The following SORCS1 variants were observed in gnomAD, a reference collection of about 807,000 sequenced individuals.
SORCS1 encodes the protein sortilin related VPS10 domain containing receptor 1.
A neutral mutation model predicts 146.1 loss-of-function variants in SORCS1; 60 were observed. The observed-to-expected ratio is 0.41, with a 90% CI of 0.33 to 0.51. SORCS1 has a LOEUF of 0.51. Ranked by LOEUF, SORCS1 falls within the 20% of genes least tolerant of loss-of-function variation. The pLI is 0.21. For missense variants in SORCS1, 1,352 were observed against 1,487.6 expected, an observed-to-expected ratio of 0.91 and a Z score of 1.50; for synonymous variants, 637 against 584.0, an observed-to-expected ratio of 1.09 and a Z score of -1.31.
At chr10:107,138,421 A>G (rs1967523289) in intron 1 of SORCS1, among the ~76,000 whole-genome samples, 1 of 152,116 alleles carries the variant, frequency 6.6e-6, no homozygotes, top group Non-Finnish European at 1.5e-5. Context: ...CATCCTTTTC[A>G]TACACAGTTT....
chr10:106,859,326 A>G (rs1949920132), intron 2 of SORCS1, among the ~76,000 whole-genome samples: 1 of 152,206 alleles, frequency 6.6e-6, no homozygotes. Flanking sequence ...GGGATAGACA[A>G]TAATTTATCC....
intron 1 of SORCS1, among the ~76,000 whole-genome samples, chr10:107,080,736 T>C (rs1183836697): frequency 6.6e-6 from 1 of 152,202 alleles, no homozygotes; most frequent in Non-Finnish European, 1.5e-5. Context: ...TCTGCTCTTT[T>C]TCATCCTTAA....
intron 2 of SORCS1, among the ~76,000 whole-genome samples, chr10:106,956,086 G>A (rs190934089): frequency 3.6e-4 from 54 of 151,162 alleles, no homozygotes; most frequent in African/African-American, 1.2e-3. Context: ...GCCGAGATGC[G>A]CCATTGCACT....
intron 1 of SORCS1, among the ~76,000 whole-genome samples, chr10:107,085,352 T>A (rs1045395051): frequency 6.6e-6 from 1 of 152,194 alleles, no homozygotes; most frequent in African/African-American, 2.4e-5. Flanking sequence ...TGACTTAACA[T>A]GGCTCTCCTC....
chr10:107,133,334 G>A (rs892234853), intron 1 of SORCS1, among the ~76,000 whole-genome samples: 1 of 152,044 alleles, frequency 6.6e-6, no homozygotes, highest in Non-Finnish European at 1.5e-5. Context: ...TCTTTTGATT[G>A]ATATTATAGG....
intron 23 of SORCS1, among the ~76,000 whole-genome samples, chr10:106,601,266 T>G (rs1031325075): frequency 2.6e-5 from 4 of 152,238 alleles, no homozygotes; most frequent in African/African-American, 9.6e-5. Context: ...TCTTTTTCTG[T>G]CTGGTGAAAA....
intron 23 of SORCS1, among the ~76,000 whole-genome samples, chr10:106,606,909 G>A (rs1846637088): frequency 6.6e-6 from 1 of 152,188 alleles, no homozygotes; most frequent in African/African-American, 2.4e-5. Context: ...CGCCATGATT[G>A]TAAGTTTCCT....
chr10:106,597,478 C>A (rs562811034), intron 23 of SORCS1, 28 bp from the exon 24 acceptor site: 15 of 1,541,922 alleles, frequency 9.7e-6, no homozygotes, highest in Non-Finnish European at 1.3e-5. Context: ...GTTAGTGACA[C>A]CAAAAGTGTC....
At position 106,825,113 on chromosome 10, in the gene SORCS1, A is replaced by T. The variant is rs72825300; in HGVS notation, c.726+4461T>A. On this transcript the variant is annotated intron_variant, in intron 3 of 25. Transcript: ENST00000263054. ...GTTTTATATTCTTTAATCCTTGAAG[A>T]TGTTACACGATCCTTGTGAAGGGAG... 9.7e-3 allele frequency among the ~76,000 whole-genome samples: 1,479 copies of T among 152,196 alleles called. 10 individuals are homozygous for T. The highest frequency in any genetic ancestry group is 0.015 in the Non-Finnish European group (1,038 of 68,010).
At chr10:107,027,881 C>G (rs1262932322) in intron 1 of SORCS1, among the ~76,000 whole-genome samples, 1 of 152,194 alleles carries the variant, frequency 6.6e-6, no homozygotes, top group Non-Finnish European at 1.5e-5. Context: ...TGTCAGCCCC[C>G]AGGAGAATGT....
At chr10:106,616,571 A>G (rs1444076400) in intron 21 of SORCS1, among the ~76,000 whole-genome samples, 1 of 152,212 alleles carries the variant, frequency 6.6e-6, no homozygotes, top group African/African-American at 2.4e-5. Context: ...GCCGCACTCT[A>G]TACACAGCCA....
intron 1 of SORCS1, among the ~76,000 whole-genome samples, chr10:107,142,124 G>A (rs961986801): frequency 6.6e-6 from 1 of 152,094 alleles, no homozygotes; most frequent in African/African-American, 2.4e-5. Flanking sequence ...ATGGACCCTG[G>A]CTTGGCCCTC....
Position 106,679,288 on chromosome 10 carries a change from C to T in SORCS1, c.1708G>A (p.Val570Ile). 1.2e-6 allele frequency: 2 copies of T among 1,613,390 alleles called. No individual in the cohort carries two copies. Among genetic ancestry groups the T allele is most frequent in the Non-Finnish European group, 1.7e-6 (2 of 1,179,534 alleles). ...CAGGTGTTCCCTGCATCTGAAGAGACAAACATGCTGATGTCAGTGTCTGAC... is the reference window on the plus strand; with the variant it reads ...CAGGTGTTCCCTGCATCTGAAGAGATAAACATGCTGATGTCAGTGTCTGAC... Reference protein sequence around the residue: ...ELSDTDISMFVSSDAGNTWRQ... With the variant: ...ELSDTDISMFISSDAGNTWRQ... Residue 570 changes from valine (V) to isoleucine (I), a missense_variant, in exon 12 of 26, where the codon GTC (valine) becomes ATC (isoleucine). Physicochemically the swap from Val to Ile is conservative, Grantham distance 29 (BLOSUM62 3). Coordinates refer to ENST00000263054, the MANE Select transcript of SORCS1 (RefSeq NM_052918.5).
At chr10:107,039,934 G>T (rs1219686660) in intron 1 of SORCS1, among the ~76,000 whole-genome samples, 1 of 152,070 alleles carries the variant, frequency 6.6e-6, no homozygotes, top group Non-Finnish European at 1.5e-5. Flanking sequence ...ACATAGTGAG[G>T]CCCCATTTCT....
At chr10:107,003,050 G>A (rs1005106651) in intron 1 of SORCS1, among the ~76,000 whole-genome samples, 20 of 152,254 alleles carry the variant, frequency 1.3e-4, no homozygotes, top group Admixed American at 1.2e-3. Context: ...GCGGTCAGGA[G>A]GTCGAGACCA....
chr10:106,823,590 A>G (rs1209775411), intron 3 of SORCS1, among the ~76,000 whole-genome samples: 1 of 152,218 alleles, frequency 6.6e-6, no homozygotes, highest in Non-Finnish European at 1.5e-5. Flanking sequence ...GTTAAAGAAT[A>G]CATAACTGAT....
intron 2 of SORCS1, among the ~76,000 whole-genome samples, chr10:106,881,076 C>CAAA (rs59128024): frequency 2.2e-3 from 150 of 68,530 alleles, no homozygotes; most frequent in African/African-American, 3.8e-3. Context: ...GACTCTGTCT[C>CAAA]AAAAAAAAAA....
chr10:106,748,211 C>A (rs1209926797), intron 5 of SORCS1, among the ~76,000 whole-genome samples: 1 of 152,124 alleles, frequency 6.6e-6, no homozygotes, highest in African/African-American at 2.4e-5. Context: ...CTTCATGCAG[C>A]AATTCTATCA....
intron 1 of SORCS1, among the ~76,000 whole-genome samples, chr10:107,068,825 G>A (rs567217116): frequency 4.0e-5 from 6 of 149,564 alleles, no homozygotes; most frequent in South Asian, 4.2e-4. Context: ...AGAAGAGATC[G>A]TGCCACTGCA....
Sources: allele counts gnomAD v4.1 joint callset (sites outside exome capture counted in the v4.1 genomes callset), GRCh38; gene constraint gnomAD v4.1.1; transcripts MANE v1.5; gene names NCBI Gene and HGNC (gene_info 2026-07-23, HGNC 2026-07-21).